Variants in KDM4B observed in about 807,000 individuals in gnomAD.
The protein encoded by KDM4B is lysine-specific demethylase 4B.
KDM4B carries 32 observed loss-of-function variants against 125.2 expected under a neutral mutation model. That is an observed-to-expected ratio of 0.26 (90% CI 0.19 to 0.34). KDM4B has a LOEUF of 0.34. Among genes scored for constraint, KDM4B ranks in the 10% least tolerant of loss-of-function variants. The pLI, the probability that KDM4B is intolerant of heterozygous loss-of-function variation, is 1.00. For synonymous variants in KDM4B, 721 were observed against 677.9 expected (o/e 1.06, Z -0.99); for missense variants, 1,190 against 1,577.7 (o/e 0.75, Z 4.16).
intron 1 of KDM4B, among the ~76,000 whole-genome samples, chr19:4,975,873 G>A (rs1197647890): frequency 2.0e-5 from 3 of 151,134 alleles, no homozygotes; most frequent in Non-Finnish European, 2.9e-5. Context: ...GATTACAGGC[G>A]TGACCCACCG....
intron 11 of KDM4B, among the ~76,000 whole-genome samples, chr19:5,130,033 C>T (rs2039514998): frequency 6.6e-6 from 1 of 152,210 alleles, no homozygotes; most frequent in East Asian, 1.9e-4. Flanking sequence ...AGAAACCTTT[C>T]CCAGCATCTA....
intron 3 of KDM4B, 152 bp downstream of exon 3, chr19:5,033,183 G>A: frequency 1.1e-6 from 1 of 903,968 alleles, no homozygotes. Flanking sequence ...ACCAGCGCCT[G>A]TTTGTGGAGT....
At chr19:5,005,625 G>A (rs1310816961) in intron 1 of KDM4B, among the ~76,000 whole-genome samples, 1 of 152,170 alleles carries the variant, frequency 6.6e-6, no homozygotes, top group Non-Finnish European at 1.5e-5. Context: ...TCAAGCAGTT[G>A]TCCCAGCACT....
intron 9 of KDM4B, among the ~76,000 whole-genome samples, chr19:5,098,695 G>T (rs923798136): frequency 2.6e-5 from 4 of 152,222 alleles, no homozygotes; most frequent in African/African-American, 9.6e-5. Context: ...GGGCATGAGG[G>T]TGATGCCCTC....
At chr19:5,087,756 G>A (rs1203961203) in intron 9 of KDM4B, among the ~76,000 whole-genome samples, 3 of 152,176 alleles carry the variant, frequency 2.0e-5, no homozygotes, top group East Asian at 1.9e-4. Context: ...CTGCAGCCTC[G>A]GTGTGCGACG....
intron 12 of KDM4B, 35 bp from the exon 13 acceptor site, chr19:5,131,852 G>T (rs2039562623): frequency 6.2e-7 from 1 of 1,612,396 alleles, no homozygotes. Flanking sequence ...GGGGTCTGTA[G>T]CGGGGCCCTC....
In KDM4B at chr19:5,131,289, C is replaced by T. The variant is rs1290590949; in HGVS notation, c.1529C>T (p.Pro510Leu). Reference sequence around the variant, plus strand: ...CTGCCGGCACCCCTTAATGTCGTGCCCCCTGAGGTGCCCAGTGAGGAGCTA... The same window carrying T: ...CTGCCGGCACCCCTTAATGTCGTGCTCCCTGAGGTGCCCAGTGAGGAGCTA... ...SPLPAPLNVV[P>L]PEVPSEELEA... The change falls in exon 12 of 23, where the codon CCC becomes CTC. Residue 510 changes from proline to leucine, a missense_variant. By Grantham distance (98) the Pro-to-Leu change is moderately conservative. Transcript: ENST00000159111. 1.9e-6 allele frequency: 3 copies of T among 1,612,160 alleles called. No homozygotes were observed. Among genetic ancestry groups the T allele is most frequent in the Non-Finnish European group, 2.5e-6 (3 of 1,179,782 alleles).
In KDM4B at chr19:5,131,922, C is replaced by A. The variant is rs2039564287; in HGVS notation, c.1821C>A (p.Ile607=). Residue 607 remains isoleucine (I), a synonymous_variant, in exon 13 of 23, where the codon ATC becomes ATA. Coordinates refer to ENST00000159111, the MANE Select transcript of KDM4B (RefSeq NM_015015.3). ...PSTFSKLKME[I]KKSRRHPLGR... ...CATTTTCCAAATTGAAGATGGAGAT[C>A]AAGAAGAGCCGGCGCCATCCCCTGG... The A allele has an allele frequency of 1.9e-6, 3 of 1,612,754 alleles. No individual in the cohort carries two copies. The highest frequency in any genetic ancestry group is 2.5e-6 in the Non-Finnish European group (3 of 1,179,884).
At position 5,153,498 on chromosome 19, in the gene KDM4B, C is replaced by T. The variant is rs1398049736; in HGVS notation, c.*1987C>T. 1 of 152,232 alleles carries T rather than the reference C, an allele frequency of 6.6e-6. No homozygotes were observed. The highest frequency in any genetic ancestry group is 1.5e-5 in the Non-Finnish European group (1 of 68,058). The allele number at this position is 152,232 out of a possible 1,614,324, so 9.4% of individuals were successfully genotyped here. A position where few individuals can be genotyped will look rare whatever the true frequency, so the allele number is the denominator to read the frequency against. The stretch of plus-strand genomic sequence containing the variant: ...CAAAGACGCGGCAAAACCCAGTGCC[C>T]TGGTTTTTCCCCACCCGAGATGAAG... On this transcript the variant is annotated 3_prime_UTR_variant, in exon 23 of 23. Coordinates refer to ENST00000159111, the MANE Select transcript of KDM4B (RefSeq NM_015015.3).
At position 4,986,188 on chromosome 19, in the gene KDM4B, CGCCAAGG is replaced by C. The variant is rs979579790; in HGVS notation, c.-109+16963_-109+16969del. Among the ~76,000 whole-genome samples the C allele has an allele frequency of 1.7e-4, 26 of 152,284 alleles. No homozygotes were observed. The East Asian group carries it at 3.7e-3, about 22-fold the overall frequency. On this transcript the variant is annotated intron_variant, in intron 1 of 22. Coordinates refer to ENST00000159111, the MANE Select transcript of KDM4B (RefSeq NM_015015.3). ...GATGTGCCCCGTGTGCCATGGCGCT[CGCCAAGG>C]GCCAGCATGTCTGCGGCCTCACAGG...
Position 4,971,814 on chromosome 19 carries a change from C to A in KDM4B, c.-109+2584C>A, listed in dbSNP as rs921853309. 2.0e-5 allele frequency among the ~76,000 whole-genome samples: 3 copies of A among 151,922 alleles called. No homozygotes were observed. Among genetic ancestry groups the A allele is most frequent in the African/African-American group, 7.3e-5 (3 of 41,346 alleles). On this transcript the variant is annotated intron_variant, in intron 1 of 22. Transcript: ENST00000159111. This position sits in a 1 kb window ranked among gnomAD's most constrained non-coding sequence, Gnocchi z 4.1. ...TGGCTTTGTTCCCTGGATCGGGGAG[C>A]GGAATTGGGGGTTCAGAGCTGGGTG...
chr19:5,130,237 A>T (rs888173769), intron 11 of KDM4B, among the ~76,000 whole-genome samples: 5 of 152,126 alleles, frequency 3.3e-5, no homozygotes, highest in Non-Finnish European at 7.4e-5. Flanking sequence ...CCTCTGCCAG[A>T]GTCCCCCATG....
chr19:5,142,342 G>A lies in KDM4B; in HGVS notation c.2551-1625G>A, dbSNP rs759366116. Among the ~76,000 whole-genome samples, 8 of 152,158 alleles carry A rather than the reference G, an allele frequency of 5.3e-5. No homozygotes were observed. The highest frequency in any genetic ancestry group is 2.1e-4 in the South Asian group (1 of 4,834). On this transcript the variant is annotated intron_variant, in intron 18 of 22. Transcript: ENST00000159111. This position sits in a 1 kb window ranked among gnomAD's most constrained non-coding sequence, Gnocchi z 5.4. ...AGGTGACGGCCAAGAACGCCTGCCC[G>A]ACCTCCTGTGGCCACAGCGCGTGGC...
intron 10 of KDM4B, chr19:5,112,040 TCCAGGGGTTTGAGACCAG>T: frequency 1.8e-6 from 1 of 547,230 alleles, no homozygotes; most frequent in South Asian, 2.2e-5. Flanking sequence ...ATTGCTTGAG[TCCAGGGGTTTGAGACCAG>T]CCTGGGCAAC....
chr19:5,151,552 G>T lies in KDM4B; in HGVS notation c.*41G>T, dbSNP rs1005471353. The T allele has an allele frequency of 7.7e-7, 1 of 1,301,126 alleles. No individual in the cohort carries two copies. Among genetic ancestry groups the T allele is most frequent in the Non-Finnish European group, 9.8e-7 (1 of 1,019,008 alleles). 80.6% of individuals were successfully genotyped at this position (1,301,126 alleles called of 1,614,324 possible). A position where few individuals can be genotyped will look rare whatever the true frequency, so the allele number is the denominator to read the frequency against. On this transcript the variant is annotated 3_prime_UTR_variant, in exon 23 of 23. Coordinates refer to ENST00000159111, the MANE Select transcript of KDM4B (RefSeq NM_015015.3). The stretch of plus-strand genomic sequence containing the variant: ...AGGCGACCCTCAGCCCGGCGGGGAG[G>T]CCATGGCATGCCCCGGGCGTTCGCT...
At chr19:5,094,736 C>T (rs993067922) in intron 9 of KDM4B, among the ~76,000 whole-genome samples, 3 of 152,264 alleles carry the variant, frequency 2.0e-5, no homozygotes, top group South Asian at 2.1e-4. Flanking sequence ...TGTTGAGATG[C>T]GTCAGAGCCT....
intron 13 of KDM4B, among the ~76,000 whole-genome samples, chr19:5,132,761 A>G (rs911648665): frequency 6.6e-6 from 1 of 152,060 alleles, no homozygotes; most frequent in Admixed American, 6.5e-5. Context: ...GTGAGACCGG[A>G]GCATTTGCCT....
At chr19:5,050,879 G>A (rs185460734) in intron 6 of KDM4B, among the ~76,000 whole-genome samples, 114 of 152,284 alleles carry the variant, frequency 7.5e-4, no homozygotes, top group Non-Finnish European at 1.5e-3. Context: ...CAGCCTGGGC[G>A]ACAGAGTGAG....
chr19:5,000,908 A>C (rs2035363929), intron 1 of KDM4B, among the ~76,000 whole-genome samples: 1 of 152,204 alleles, frequency 6.6e-6, no homozygotes, highest in Non-Finnish European at 1.5e-5. Context: ...TGGGCGGAGA[A>C]GTGTCATCAA....
Sources: allele counts gnomAD v4.1 joint callset (sites outside exome capture counted in the v4.1 genomes callset), GRCh38; gene constraint gnomAD v4.1.1; non-coding constraint Gnocchi (gnomAD v3.1); transcripts MANE v1.5; gene names NCBI Gene and HGNC (gene_info 2026-07-23, HGNC 2026-07-21).